Variants in DIAPH2 observed in about 807,000 individuals in gnomAD.
DIAPH2 encodes protein diaphanous homolog 2.
DIAPH2 carries 35 observed loss-of-function variants against 92.7 expected under a neutral mutation model. That is an observed-to-expected ratio of 0.38 (90% confidence interval 0.29 to 0.50). The LOEUF (loss-of-function observed/expected upper bound fraction) is 0.50, where lower values mean the gene tolerates loss of function less well. Ranked by LOEUF, DIAPH2 falls within the 20% of genes least tolerant of loss-of-function variation. The pLI is 0.94. For synonymous variants in DIAPH2, 301 were observed against 280.4 expected, an observed-to-expected ratio of 1.07 and a Z score of -0.73; for missense variants, 701 against 819.5, an observed-to-expected ratio of 0.86 and a Z score of 1.77.
intron 17 of DIAPH2, among the ~76,000 whole-genome samples, chrX:96,994,533 C>T (rs147226686): frequency 9.0e-6 from 1 of 111,436 alleles, no homozygotes; most frequent in African/African-American, 3.3e-5. Context: ...AGTCCATCCA[C>T]GTATGTATGG....
chrX:97,068,898 G>A (rs2066650724), intron 17 of DIAPH2, among the ~76,000 whole-genome samples: 1 of 111,788 alleles, frequency 8.9e-6, no homozygotes, highest in African/African-American at 3.3e-5. Context: ...TAAATTTTCA[G>A]TGTGTTTGTT....
intron 17 of DIAPH2, among the ~76,000 whole-genome samples, chrX:96,997,705 C>T (rs771027311): frequency 2.7e-5 from 3 of 111,385 alleles, no homozygotes; most frequent in African/African-American, 9.8e-5. Context: ...GACCTTAAGT[C>T]GTCATTGCCC....
At chrX:96,968,309 C>T (rs1337406187) in intron 17 of DIAPH2, among the ~76,000 whole-genome samples, 1 of 111,100 alleles carries the variant, frequency 9.0e-6, no homozygotes, top group Non-Finnish European at 1.9e-5. Context: ...ATCTCCGCCT[C>T]CTGGGTTCAA....
chrX:97,084,380 G>A (rs1474806679), intron 19 of DIAPH2, among the ~76,000 whole-genome samples: 1 of 111,875 alleles, frequency 8.9e-6, no homozygotes, highest in African/African-American at 3.2e-5. Context: ...TTTCCAGTGA[G>A]TAGGAACAGT....
intron 17 of DIAPH2, among the ~76,000 whole-genome samples, chrX:97,070,572 A>G (rs1191476547): frequency 4.5e-5 from 5 of 111,626 alleles, no homozygotes; most frequent in Admixed American, 3.8e-4. Flanking sequence ...CTTTTAAAAC[A>G]AGAAGGCCAA....
chrX:96,944,166 G>A (rs939151606), intron 13 of DIAPH2, among the ~76,000 whole-genome samples: 1 of 111,711 alleles, frequency 9.0e-6, no homozygotes, highest in South Asian at 3.7e-4. Context: ...AATTCTTTGA[G>A]TCTGATATCT....
At chrX:96,852,554 AC>A (rs780015111) in intron 4 of DIAPH2, among the ~76,000 whole-genome samples, 1 of 111,698 alleles carries the variant, frequency 9.0e-6, no homozygotes, top group Non-Finnish European at 1.9e-5. Flanking sequence ...GTTGAGAGAA[AC>A]TTGGAAAGTT....
intron 21 of DIAPH2, among the ~76,000 whole-genome samples, chrX:97,119,592 C>T (rs977113140): frequency 2.7e-5 from 3 of 111,757 alleles, no homozygotes; most frequent in South Asian, 3.8e-4. Context: ...GAGGAACCGG[C>T]GGTGGGCAGG....
chrX:97,094,356 T>G (rs1337777909), intron 19 of DIAPH2, among the ~76,000 whole-genome samples: 1 of 112,183 alleles, frequency 8.9e-6, no homozygotes, highest in Non-Finnish European at 1.9e-5. Context: ...TTTCTCTGCC[T>G]GGGCTAGATT....
At chrX:97,417,884 A>G (rs5921816) in intron 25 of DIAPH2, among the ~76,000 whole-genome samples, 3,013 of 109,545 alleles carry the variant, frequency 0.028, 35 homozygotes, top group Middle Eastern at 0.041. Flanking sequence ...TTTATAAATT[A>G]GGCACAGTAA....
chrX:96,895,302 G>C (rs1426589628), intron 5 of DIAPH2, among the ~76,000 whole-genome samples: 2 of 111,475 alleles, frequency 1.8e-5, no homozygotes, highest in Non-Finnish European at 3.8e-5. Context: ...ACTATGCCTG[G>C]TCCAGACTGG....
At chrX:96,976,959 T>C (rs1475842206) in intron 17 of DIAPH2, among the ~76,000 whole-genome samples, 1 of 111,608 alleles carries the variant, frequency 9.0e-6, no homozygotes, top group Non-Finnish European at 1.9e-5. Flanking sequence ...AAACTGAGAC[T>C]CTGGGAGATT....
intron 26 of DIAPH2, among the ~76,000 whole-genome samples, chrX:97,432,067 A>G (rs1280329222): frequency 8.9e-6 from 1 of 111,833 alleles, no homozygotes; most frequent in African/African-American, 3.3e-5. Flanking sequence ...ATGATGAGAT[A>G]AAAGCAGAAA....
At chrX:97,341,741 T>C (rs2069115287) in intron 23 of DIAPH2, among the ~76,000 whole-genome samples, 1 of 111,274 alleles carries the variant, frequency 9.0e-6, no homozygotes, top group African/African-American at 3.3e-5. Context: ...ACGGCTCAGC[T>C]CCAGAAGAGA....
intron 24 of DIAPH2, among the ~76,000 whole-genome samples, chrX:97,372,144 C>T (rs763241257): frequency 4.5e-5 from 5 of 112,176 alleles, no homozygotes; most frequent in Admixed American, 9.4e-5. Flanking sequence ...TGGACTGTGA[C>T]GGGAGAGACA....
intron 1 of DIAPH2, among the ~76,000 whole-genome samples, chrX:96,730,988 C>T (rs962823033): frequency 1.8e-5 from 2 of 110,593 alleles, no homozygotes; most frequent in African/African-American, 6.6e-5. Context: ...GAGTGGGAGT[C>T]ACAAGGTGCT....
chrX:97,553,667 TAAAA>T (rs370885893), intron 26 of DIAPH2, among the ~76,000 whole-genome samples: 16 of 86,843 alleles, frequency 1.8e-4, no homozygotes, highest in Admixed American at 1.3e-4. Flanking sequence ...GTGAGTAGGT[TAAAA>T]AAAAAAAAAA....
intron 26 of DIAPH2, among the ~76,000 whole-genome samples, chrX:97,496,705 G>T (rs1473355805): frequency 1.0e-5 from 1 of 97,888 alleles, no homozygotes; most frequent in Non-Finnish European, 2.0e-5. Flanking sequence ...TGTCACCAAG[G>T]GGGGAGTGCC....
intron 26 of DIAPH2, among the ~76,000 whole-genome samples, chrX:97,594,817 G>A (rs751236090): frequency 8.9e-6 from 1 of 112,172 alleles, no homozygotes. Context: ...AGTATATAAT[G>A]TTAGGTCAAC....
Sources: gnomAD v4.1 joint callset for allele counts (sites outside exome capture counted in the v4.1 genomes callset) on GRCh38, gnomAD v4.1.1 for gene constraint, MANE v1.5 for transcripts, NCBI Gene and HGNC (gene_info 2026-07-23, HGNC 2026-07-21) for gene names.